Variants in CLEC19A observed in about 807,000 individuals in gnomAD.
CLEC19A encodes C-type lectin domain containing 19A.
A neutral mutation model predicts 26.1 loss-of-function variants in CLEC19A; 21 were observed. The ratio of observed to expected loss-of-function variants is 0.80; its 90% CI spans 0.57 to 1.16. The LOEUF (loss-of-function observed/expected upper bound fraction) is 1.16, where lower values mean the gene tolerates loss of function less well. CLEC19A is among the 50% of genes most tolerant of loss of function. CLEC19A has a pLI of 0.00. For synonymous variants in CLEC19A, 89 were observed against 88.6 expected (o/e 1.00, Z -0.03); for missense variants, 224 against 227.6 (o/e 0.98, Z 0.10).
chr16:19,302,960 T>C (rs1194430285), intron 2 of CLEC19A, among the ~76,000 whole-genome samples: 2 of 152,220 alleles, frequency 1.3e-5, no homozygotes, highest in Non-Finnish European at 1.5e-5. Context: ...AAACATTGCC[T>C]TAAATCTAAC....
chr16:19,296,444 C>T (rs778238807), intron 1 of CLEC19A, among the ~76,000 whole-genome samples: 21 of 152,234 alleles, frequency 1.4e-4, no homozygotes, highest in Non-Finnish European at 2.8e-4. Context: ...AATAGCCGTA[C>T]ATTACACAAT....
intron 4 of CLEC19A, among the ~76,000 whole-genome samples, chr16:19,308,727 C>T (rs1307292925): frequency 6.6e-6 from 1 of 152,098 alleles, no homozygotes; most frequent in Non-Finnish European, 1.5e-5. Context: ...AGGTAGAGAA[C>T]AGCTTATTTT....
intron 1 of CLEC19A, among the ~76,000 whole-genome samples, chr16:19,286,431 G>A (rs1454089081): frequency 6.6e-6 from 1 of 152,160 alleles, no homozygotes; most frequent in Admixed American, 6.5e-5. Flanking sequence ...CGCAGGGAGG[G>A]AGACTTGTCC....
intron 2 of CLEC19A, among the ~76,000 whole-genome samples, chr16:19,303,437 C>CT (rs1897876769): frequency 6.6e-6 from 1 of 152,142 alleles, no homozygotes; most frequent in Non-Finnish European, 1.5e-5. Context: ...CCACTGATTC[C>CT]TTTTGTTGGG....
At chr16:19,301,200 C>T (rs1897811987) in intron 2 of CLEC19A, among the ~76,000 whole-genome samples, 1 of 152,182 alleles carries the variant, frequency 6.6e-6, no homozygotes, top group Admixed American at 6.5e-5. Flanking sequence ...CTTGCAACCT[C>T]AGTTGCATCA....
intron 2 of CLEC19A, 27 bp from the exon 3 acceptor site, chr16:19,304,035 C>A: frequency 6.6e-7 from 1 of 1,522,710 alleles, no homozygotes; most frequent in South Asian, 1.2e-5. Flanking sequence ...CATGAGGAAT[C>A]AGCTACTATT....
intron 1 of CLEC19A, among the ~76,000 whole-genome samples, chr16:19,286,395 G>C (rs1897470422): frequency 6.6e-6 from 1 of 152,232 alleles, no homozygotes; most frequent in African/African-American, 2.4e-5. Context: ...TTTCAGAGCT[G>C]CTGCAGTGCC....
intron 2 of CLEC19A, among the ~76,000 whole-genome samples, chr16:19,300,514 C>T (rs773967421): frequency 2.1e-4 from 31 of 150,192 alleles, no homozygotes; most frequent in Non-Finnish European, 4.1e-4. Flanking sequence ...GGCCACTGCA[C>T]TCCAGTCTAG....
intron 3 of CLEC19A, among the ~76,000 whole-genome samples, chr16:19,305,975 C>T (rs1597089424): frequency 1.3e-5 from 2 of 151,970 alleles, no homozygotes; most frequent in East Asian, 3.9e-4. Context: ...TCCCAAGTAG[C>T]TGGGATTACA....
rs1186757727 is a variant in CLEC19A, at chr16:19,308,970, T to C, written c.482-34T>C. On this transcript the variant is annotated intron_variant, in intron 4 of 4. Coordinates refer to ENST00000636231, the MANE Select transcript of CLEC19A (RefSeq NM_001256720.2). ...GTTACTTTTATCTTGGCGGATGGAT[T>C]TTCACCCAGATTCTCTGCTTCTTTC... The C allele has an allele frequency of 2.6e-6, 4 of 1,533,962 alleles. No homozygotes were observed. In the African/African-American group the frequency reaches 5.5e-5, roughly 21 times the overall value.
intron 1 of CLEC19A, among the ~76,000 whole-genome samples, chr16:19,289,840 T>A (rs1281739552): frequency 6.6e-6 from 1 of 152,176 alleles, no homozygotes; most frequent in Non-Finnish European, 1.5e-5. Flanking sequence ...GTAGAACCCG[T>A]AGGACAGCAG....
chr16:19,291,167 C>T (rs2143008732), intron 1 of CLEC19A, among the ~76,000 whole-genome samples: 1 of 152,330 alleles, frequency 6.6e-6, no homozygotes, highest in South Asian at 2.1e-4. Flanking sequence ...TAGGTTTGGT[C>T]TTCATAGACC....
chr16:19,292,315 G>A (rs751597062), intron 1 of CLEC19A, among the ~76,000 whole-genome samples: 3 of 152,126 alleles, frequency 2.0e-5, no homozygotes, highest in African/African-American at 4.8e-5. Flanking sequence ...GAGTCTGAAG[G>A]TCCCAGGGGA....
At chr16:19,301,516 C>T (rs1007690566) in intron 2 of CLEC19A, among the ~76,000 whole-genome samples, 2 of 152,150 alleles carry the variant, frequency 1.3e-5, no homozygotes, top group African/African-American at 4.8e-5. Flanking sequence ...ATCACTTAAA[C>T]TCTAAGCCAA....
chr16:19,294,126 AAATT>A (rs1453907070), intron 1 of CLEC19A, among the ~76,000 whole-genome samples: 1 of 151,136 alleles, frequency 6.6e-6, no homozygotes, highest in East Asian at 1.9e-4. Flanking sequence ...CTGTAAGTCT[AAATT>A]TATTCCAAAA....
At position 19,298,838 on chromosome 16, in the gene CLEC19A, G is replaced by C. The variant is rs1287788623; in HGVS notation, c.254G>C (p.Ser85Thr). ...TCCGCCAAGCTGGCCTCCATCCACA[G>C]GTAAGTGGGATCCCCAGTGCCCCAT... ...RKSAKLASIH[S>T]WEENVFVYDL... The change falls in exon 2 of 5, where the codon AGC becomes ACC. Residue 85 changes from serine (S) to threonine (T), a missense_variant and splice_region_variant. Coordinates refer to ENST00000636231, the MANE Select transcript of CLEC19A (RefSeq NM_001256720.2). The C allele has an allele frequency of 1.3e-6, 2 of 1,549,846 alleles. No homozygotes were observed. Among genetic ancestry groups the C allele is most frequent in the African/African-American group, 1.4e-5 (1 of 73,030 alleles).
intron 1 of CLEC19A, among the ~76,000 whole-genome samples, chr16:19,296,086 A>G (rs144761538): frequency 4.6e-5 from 7 of 152,344 alleles, no homozygotes; most frequent in South Asian, 2.1e-4. Context: ...AAGAAAGCCA[A>G]TTCTGAACCA....
rs1898040731 is a variant in CLEC19A, at chr16:19,310,177, A to G, written c.*1094A>G. On this transcript the variant is annotated 3_prime_UTR_variant, in exon 5 of 5. Transcript: ENST00000636231. Reference sequence around the variant, plus strand: ...GAGAATCGGAAACAGGTATTTAAATATAAGTGGTCGGCCAGGTGTAGTGGC... The same window carrying G: ...GAGAATCGGAAACAGGTATTTAAATGTAAGTGGTCGGCCAGGTGTAGTGGC... The G allele has an allele frequency of 6.6e-6, 1 of 151,980 alleles. No individual in the cohort carries two copies. The highest frequency in any genetic ancestry group is 6.6e-5 in the Admixed American group (1 of 15,248). The allele number at this position is 151,980 out of a possible 1,614,324, so 9.4% of individuals were successfully genotyped here. A position where few individuals can be genotyped will look rare whatever the true frequency, so the allele number is the denominator to read the frequency against.
At position 19,308,991 on chromosome 16, in the gene CLEC19A, C is replaced by G. The variant is rs1408307441; in HGVS notation, c.482-13C>G. The G allele has an allele frequency of 6.5e-7, 1 of 1,547,382 alleles. No homozygotes were observed. Among genetic ancestry groups the G allele is most frequent in the East Asian group, 2.4e-5 (1 of 40,920 alleles). ...GGATTTTCACCCAGATTCTCTGCTT[C>G]TTTCCATCACAGCTCTGAGGTCATG... On this transcript the variant is annotated splice_polypyrimidine_tract_variant and intron_variant, in intron 4 of 4. Coordinates refer to ENST00000636231, the MANE Select transcript of CLEC19A (RefSeq NM_001256720.2).
Sources: gnomAD v4.1 joint callset for allele counts (sites outside exome capture counted in the v4.1 genomes callset) on GRCh38, gnomAD v4.1.1 for gene constraint, MANE v1.5 for transcripts, NCBI Gene and HGNC (gene_info 2026-07-23, HGNC 2026-07-21) for gene names.